The following ATR variants were observed in gnomAD, a reference collection of about 807,000 sequenced individuals.
ATR encodes the protein serine/threonine-protein kinase ATR.
Under a neutral mutation model 305.3 loss-of-function variants are expected in ATR, and 142 were observed. The ratio of observed to expected loss-of-function variants is 0.47; its 90% confidence interval spans 0.41 to 0.53. ATR has a LOEUF of 0.53. ATR is among the 20% of genes least tolerant of loss of function. The probability of loss-of-function intolerance (pLI) is 0.00; values close to 1 mark genes in which losing one functional copy is unlikely to be tolerated. For synonymous variants in ATR, 1,050 were observed against 1,068.1 expected, an observed-to-expected ratio of 0.98 and a Z score of 0.33; for missense variants, 2,135 against 3,133.1, an observed-to-expected ratio of 0.68 and a Z score of 7.60.
At chr3:142,543,164 A>G (rs535429663) in intron 16 of ATR, among the ~76,000 whole-genome samples, 2 of 152,300 alleles carry the variant, frequency 1.3e-5, no homozygotes, top group African/African-American at 2.4e-5. Context: ...GCTATGGTAG[A>G]AAAGTACGAT....
At chr3:142,477,288 GT>G in intron 36 of ATR, among the ~76,000 whole-genome samples, 1 of 152,176 alleles carries the variant, frequency 6.6e-6, no homozygotes, top group Non-Finnish European at 1.5e-5. Context: ...TTTATTGAGA[GT>G]TTTTAGCATG....
At chr3:142,556,929 G>C (rs2034692929) in intron 8 of ATR, among the ~76,000 whole-genome samples, 1 of 152,252 alleles carries the variant, frequency 6.6e-6, no homozygotes, top group Middle Eastern at 3.4e-3. Context: ...GTGAGGATGT[G>C]GAACTCATAC....
At position 142,506,603 on chromosome 3, in the gene ATR, C is replaced by T. The variant is rs908394931; in HGVS notation, c.5032-1300G>A. Among the ~76,000 whole-genome samples the T allele has an allele frequency of 2.0e-5, 3 of 152,108 alleles. No homozygotes were observed. The South Asian group carries it at 6.2e-4, about 32-fold the overall frequency. ...TCGGGAGGCTGAGGTGTGAGGATCC[C>T]TTGAGCCTGGGAGGTGGAGGTTGCA... On this transcript the variant is annotated intron_variant, in intron 28 of 46. Transcript: ENST00000350721.
intron 36 of ATR, among the ~76,000 whole-genome samples, chr3:142,473,081 A>G (rs1192400407): frequency 6.6e-6 from 1 of 152,174 alleles, no homozygotes; most frequent in African/African-American, 2.4e-5. Flanking sequence ...TTCCTTGGCT[A>G]TGCAGAAGTC....
intron 37 of ATR, among the ~76,000 whole-genome samples, 180 bp from the exon 38 acceptor site, chr3:142,469,749 A>G (rs1045849287): frequency 1.3e-5 from 2 of 152,150 alleles, no homozygotes; most frequent in African/African-American, 2.4e-5. Context: ...ACCAGAAAAA[A>G]TATTTAGAGC....
At chr3:142,538,403 A>G in intron 19 of ATR, 79 bp downstream of exon 19, 1 of 1,478,716 alleles carries the variant, frequency 6.8e-7, no homozygotes, top group South Asian at 1.2e-5. Flanking sequence ...GACAGTTTCC[A>G]CATTACCATC....
chr3:142,545,002 G>A (rs1270240072), intron 16 of ATR, among the ~76,000 whole-genome samples: 2 of 152,198 alleles, frequency 1.3e-5, no homozygotes, highest in Admixed American at 6.5e-5. Context: ...AAGCAGATAA[G>A]GATCACACAA....
Position 142,512,643 on chromosome 3 carries a change from C to T in ATR, c.4642-173G>A, listed in dbSNP as rs543424805. 2.6e-3 allele frequency among the ~76,000 whole-genome samples: 395 copies of T among 152,134 alleles called. 1 individual carries two copies. The highest frequency in any genetic ancestry group is 0.017 in the Middle Eastern group (5 of 294). On this transcript the variant is annotated intron_variant, in intron 26 of 46. Transcript: ENST00000350721. ...TGGGAGGCTGAGGCAGCCCAATTGCCTGAGGTCAAGACCAGCCTGGTCAAC... is the reference window on the plus strand; with the variant it reads ...TGGGAGGCTGAGGCAGCCCAATTGCTTGAGGTCAAGACCAGCCTGGTCAAC...
chr3:142,519,216 T>A (rs1368025838), intron 24 of ATR, among the ~76,000 whole-genome samples: 1 of 152,094 alleles, frequency 6.6e-6, no homozygotes, highest in Non-Finnish European at 1.5e-5. Flanking sequence ...TCTAGACAAA[T>A]TATAAGCATA....
intron 25 of ATR, 151 bp from the exon 26 acceptor site, chr3:142,513,789 T>TA (rs2032714508): frequency 2.3e-6 from 2 of 866,292 alleles, no homozygotes; most frequent in Non-Finnish European, 3.4e-6. Context: ...TATTTGGGGT[T>TA]AAAGTCAAAT....
chr3:142,502,467 G>T (rs897776886), intron 30 of ATR, among the ~76,000 whole-genome samples: 4 of 151,958 alleles, frequency 2.6e-5, no homozygotes, highest in Non-Finnish European at 5.9e-5. Context: ...GACTACAAGG[G>T]GTGGGGGAGG....
chr3:142,484,080 G>T (rs1221687293), intron 36 of ATR, among the ~76,000 whole-genome samples: 1 of 151,914 alleles, frequency 6.6e-6, no homozygotes, highest in East Asian at 1.9e-4. Context: ...TTTAATGTCA[G>T]GGCACTTTAG....
chr3:142,496,162 T>C (rs1222497621), intron 34 of ATR, among the ~76,000 whole-genome samples, 199 bp downstream of exon 34: 4 of 150,682 alleles, frequency 2.7e-5, no homozygotes, highest in Non-Finnish European at 5.9e-5. Context: ...AAAAGAACAA[T>C]TACTTCCAGG....
intron 36 of ATR, among the ~76,000 whole-genome samples, chr3:142,484,831 A>T (rs912318091): frequency 6.6e-6 from 1 of 152,124 alleles, no homozygotes; most frequent in African/African-American, 2.4e-5. Flanking sequence ...GGGGAAAAAA[A>T]CCCACATCTT....
chr3:142,483,020 T>A (rs1490731710), intron 36 of ATR, among the ~76,000 whole-genome samples: 3 of 150,238 alleles, frequency 2.0e-5, no homozygotes, highest in Non-Finnish European at 4.4e-5. Flanking sequence ...CTTTTTTTTT[T>A]TTTGAGACAG....
At chr3:142,557,677 G>C (rs942018923) in intron 8 of ATR, among the ~76,000 whole-genome samples, 3 of 152,212 alleles carry the variant, frequency 2.0e-5, no homozygotes, top group Non-Finnish European at 2.9e-5. Context: ...TAATAGCCCA[G>C]GCTGGAGTGC....
chr3:142,493,198 T>C lies in ATR; in HGVS notation c.6012A>G (p.Leu2004=), dbSNP rs1042224325. ...KNMLIHGRAM[L]LVGRFMEETA... ...TTTCTTCCATAAATCGGCCCACTAG[T>C]AGCATAGCTCGACCATGGATTAACA... Residue 2004 remains leucine, a synonymous_variant, in exon 35 of 47, where the codon CTA becomes CTG. Coordinates refer to ENST00000350721, the MANE Select transcript of ATR (RefSeq NM_001184.4). 2 of 1,613,444 alleles carry C rather than the reference T, an allele frequency of 1.2e-6. No individual in the cohort carries two copies. Among genetic ancestry groups the C allele is most frequent in the Non-Finnish European group, 1.7e-6 (2 of 1,179,796 alleles).
chr3:142,577,854 AGCCT>A (rs1160969909), intron 1 of ATR, among the ~76,000 whole-genome samples: 1 of 152,232 alleles, frequency 6.6e-6, no homozygotes, highest in African/African-American at 2.4e-5. Flanking sequence ...GGTTCAGGGA[AGCCT>A]GCCTGTGTAT....
chr3:142,518,887 C>A (rs1352050136), intron 24 of ATR, among the ~76,000 whole-genome samples: 3 of 152,004 alleles, frequency 2.0e-5, no homozygotes, highest in African/African-American at 4.8e-5. Flanking sequence ...TCAGTCCTAA[C>A]AAAGTCATTT....
Sources: allele counts gnomAD v4.1 joint callset (sites outside exome capture counted in the v4.1 genomes callset), GRCh38; gene constraint gnomAD v4.1.1; transcripts MANE v1.5; gene names NCBI Gene and HGNC (gene_info 2026-07-23, HGNC 2026-07-21).